GUCY1A2: variants seen among roughly 807,000 people sequenced by gnomAD.
GUCY1A2 encodes guanylate cyclase soluble subunit alpha-2.
GUCY1A2 carries 27 observed loss-of-function variants against 63.5 expected under a neutral mutation model. The ratio of observed to expected loss-of-function variants is 0.43; its 90% CI spans 0.31 to 0.59. The LOEUF (loss-of-function observed/expected upper bound fraction) is 0.59, where lower values mean the gene tolerates loss of function less well. Ranked by LOEUF, GUCY1A2 falls within the 20% of genes least tolerant of loss-of-function variation. The pLI, the probability that GUCY1A2 is intolerant of heterozygous loss-of-function variation, is 0.11. For missense variants in GUCY1A2, 768 were observed against 913.3 expected (o/e 0.84, Z 2.05); for synonymous variants, 364 against 343.5 (o/e 1.06, Z -0.66).
intron 5 of GUCY1A2, among the ~76,000 whole-genome samples, chr11:106,789,860 T>TCC (rs1181495374): frequency 6.6e-5 from 10 of 151,792 alleles, no homozygotes; most frequent in Non-Finnish European, 8.8e-5. Flanking sequence ...ACAATGGGAG[T>TCC]CTCTCTCTCT....
intron 1 of GUCY1A2, among the ~76,000 whole-genome samples, chr11:107,009,374 G>A (rs912352267): frequency 6.6e-6 from 1 of 152,136 alleles, no homozygotes; most frequent in African/African-American, 2.4e-5. Context: ...CCAGTAGATG[G>A]AGCATTTGAG....
intron 4 of GUCY1A2, among the ~76,000 whole-genome samples, chr11:106,926,044 G>A (rs917166076): frequency 1.3e-5 from 2 of 152,120 alleles, no homozygotes; most frequent in African/African-American, 4.8e-5. Context: ...TAAGTATAAT[G>A]AGTCAAGAAT....
At chr11:106,906,177 T>A (rs1703703182) in intron 4 of GUCY1A2, among the ~76,000 whole-genome samples, 1 of 151,886 alleles carries the variant, frequency 6.6e-6, no homozygotes, top group Non-Finnish European at 1.5e-5. Context: ...TGGGAGAAAA[T>A]TTTTGCAATC....
At chr11:106,878,030 A>C (rs117787373) in intron 4 of GUCY1A2, among the ~76,000 whole-genome samples, 1,964 of 152,172 alleles carry the variant, frequency 0.013, 27 homozygotes, top group South Asian at 0.047. Flanking sequence ...ATGAAAAAAA[A>C]CTCAAAATTA....
At chr11:106,979,952 G>C (rs1861313652) in intron 2 of GUCY1A2, among the ~76,000 whole-genome samples, 2 of 152,146 alleles carry the variant, frequency 1.3e-5, no homozygotes, top group African/African-American at 4.8e-5. Context: ...TAGAAAAGGA[G>C]AAAAGGGGAG....
intron 1 of GUCY1A2, among the ~76,000 whole-genome samples, chr11:107,014,519 T>C (rs1861793286): frequency 6.6e-6 from 1 of 152,186 alleles, no homozygotes; most frequent in Admixed American, 6.5e-5. Context: ...GTCTCCCGAA[T>C]TCTGGAATTT....
chr11:106,997,628 C>G (rs75633616), intron 1 of GUCY1A2, among the ~76,000 whole-genome samples: 7 of 112,776 alleles, frequency 6.2e-5, no homozygotes, highest in Admixed American at 8.7e-5. Flanking sequence ...CCCCCCCCCC[C>G]CACCCGAGCA....
At chr11:107,000,700 TATTAA>T (rs1381971122) in intron 1 of GUCY1A2, among the ~76,000 whole-genome samples, 2 of 152,224 alleles carry the variant, frequency 1.3e-5, no homozygotes, top group Non-Finnish European at 2.9e-5. Context: ...TCAAATATCC[TATTAA>T]AATAAATTTG....
chr11:106,749,138 G>A (rs1214070289), intron 6 of GUCY1A2, among the ~76,000 whole-genome samples: 1 of 152,010 alleles, frequency 6.6e-6, no homozygotes, highest in Non-Finnish European at 1.5e-5. Context: ...TACAGGTTAA[G>A]TAGCCTAGGA....
At chr11:106,864,981 C>T (rs1313836955) in intron 4 of GUCY1A2, among the ~76,000 whole-genome samples, 1 of 152,058 alleles carries the variant, frequency 6.6e-6, no homozygotes, top group Non-Finnish European at 1.5e-5. Context: ...GAATGAATTT[C>T]AGAAGGAATG....
chr11:106,828,531 T>G (rs1859008143), intron 4 of GUCY1A2, among the ~76,000 whole-genome samples: 2 of 152,058 alleles, frequency 1.3e-5, no homozygotes, highest in South Asian at 4.1e-4. Context: ...TATTTCAGAA[T>G]TTTTTTATTT....
At chr11:106,946,709 G>C (rs1860833946) in intron 3 of GUCY1A2, among the ~76,000 whole-genome samples, 1 of 152,010 alleles carries the variant, frequency 6.6e-6, no homozygotes, top group African/African-American at 2.4e-5. Flanking sequence ...AATATATAAA[G>C]CAAAAACAAT....
At chr11:106,793,584 A>T (rs1345725734) in intron 5 of GUCY1A2, among the ~76,000 whole-genome samples, 3 of 152,198 alleles carry the variant, frequency 2.0e-5, no homozygotes, top group African/African-American at 7.2e-5. Flanking sequence ...AGGGGAGAAA[A>T]TATTTGCAAA....
intron 6 of GUCY1A2, among the ~76,000 whole-genome samples, chr11:106,739,615 C>T (rs1332521727): frequency 1.3e-5 from 2 of 152,182 alleles, no homozygotes; most frequent in East Asian, 1.9e-4. Flanking sequence ...TACTGCACTG[C>T]CTGAGCTATA....
intron 6 of GUCY1A2, among the ~76,000 whole-genome samples, chr11:106,736,344 C>A (rs1336938978): frequency 6.6e-6 from 1 of 152,132 alleles, no homozygotes; most frequent in Non-Finnish European, 1.5e-5. Flanking sequence ...CGTTTTTCTA[C>A]ATATGGATAT....
At chr11:106,791,578 C>A (rs114229856) in intron 5 of GUCY1A2, among the ~76,000 whole-genome samples, 1,683 of 152,132 alleles carry the variant, frequency 0.011, 31 homozygotes, top group African/African-American at 0.038. Flanking sequence ...TCTTGATCCA[C>A]CCCTCAATAA....
chr11:106,771,494 TC>T (rs1244338621), intron 6 of GUCY1A2, among the ~76,000 whole-genome samples: 1 of 152,186 alleles, frequency 6.6e-6, no homozygotes, highest in African/African-American at 2.4e-5. Flanking sequence ...ATGCCTGTAA[TC>T]CCAACATTTT....
At chr11:106,983,375 G>A (rs1861362482) in intron 2 of GUCY1A2, among the ~76,000 whole-genome samples, 1 of 152,132 alleles carries the variant, frequency 6.6e-6, no homozygotes. Context: ...AGTACAGAGA[G>A]GCTATCTTAC....
At position 106,939,777 on chromosome 11, in the gene GUCY1A2, C is replaced by T; in HGVS notation, c.889G>A (p.Glu297Lys). The change falls in exon 4 of 8, where the codon GAA (glutamate) becomes AAA (lysine). Residue 297 changes from glutamate (E) to lysine (K), a missense_variant. Glu to Lys is a moderately conservative substitution (Grantham distance 56). Coordinates refer to ENST00000526355, the MANE Select transcript of GUCY1A2 (RefSeq NM_000855.3). ...SCLTFLIKECENTNIMKNLPQ... is the reference protein window; with the variant it reads ...SCLTFLIKECKNTNIMKNLPQ... Reference sequence around the variant, plus strand: ...AGGTTCTTCATGATATTAGTATTTTCACATTCTTTGATAAGGAAAGTAAGA... The same window carrying T: ...AGGTTCTTCATGATATTAGTATTTTTACATTCTTTGATAAGGAAAGTAAGA... 5 of 1,613,988 alleles carry T rather than the reference C, an allele frequency of 3.1e-6. No homozygotes were observed. Among genetic ancestry groups the T allele is most frequent in the Non-Finnish European group, 4.2e-6 (5 of 1,179,886 alleles).
Sources: allele counts gnomAD v4.1 joint callset (sites outside exome capture counted in the v4.1 genomes callset), GRCh38; gene constraint gnomAD v4.1.1; transcripts MANE v1.5; gene names NCBI Gene and HGNC (gene_info 2026-07-23, HGNC 2026-07-21).